VCF1: variants seen among roughly 807,000 people sequenced by gnomAD.
VCF1 encodes protein VCF1.
chr17:73,210,372 G>A, the VCF1 span, among the ~76,000 whole-genome samples: 2 of 151,946 alleles, frequency 1.3e-5, no homozygotes, highest in East Asian at 1.9e-4. Flanking sequence ...ATGTACATGT[G>A]TGTACATGAG....
chr17:73,224,995 G>GCACAGCACAGC, the VCF1 span, among the ~76,000 whole-genome samples: 2,282 of 58,498 alleles, frequency 0.039, 47 homozygotes, highest in Non-Finnish European at 0.057. Flanking sequence ...CACAGCACAG[G>GCACAGCACAGC]ACAGGACAGG....
At chr17:73,224,229 C>T in the VCF1 span, among the ~76,000 whole-genome samples, 2 of 132,058 alleles carry the variant, frequency 1.5e-5, no homozygotes, top group African/African-American at 5.6e-5. Context: ...GAGTTCACGA[C>T]CAGCCTGGGC....
At chr17:73,225,745 T>C in the VCF1 span, among the ~76,000 whole-genome samples, 34 of 151,810 alleles carry the variant, frequency 2.2e-4, no homozygotes, top group African/African-American at 7.0e-4. Flanking sequence ...TAGATATTCA[T>C]GGTAGCCTCT....
At chr17:73,227,800 CTAT>C in the VCF1 span, 1 of 285,292 alleles carries the variant, frequency 3.5e-6, no homozygotes, top group East Asian at 1.8e-4. Flanking sequence ...TAGATTGTTA[CTAT>C]GAGATGATAG....
the VCF1 span, among the ~76,000 whole-genome samples, chr17:73,216,265 G>T: frequency 6.6e-6 from 1 of 152,160 alleles, no homozygotes; most frequent in Non-Finnish European, 1.5e-5. Flanking sequence ...AAAGAACTCC[G>T]GAAGGAGAGG....
At chr17:73,232,133 C>G in the VCF1 span, 1 of 1,609,832 alleles carries the variant, frequency 6.2e-7, no homozygotes, top group Non-Finnish European at 8.5e-7. Flanking sequence ...GGAAGCTACG[C>G]GGCGCCGCTC....
the VCF1 span, chr17:73,207,654 T>A: frequency 2.2e-5 from 28 of 1,290,108 alleles, no homozygotes; most frequent in Non-Finnish European, 2.8e-5. Context: ...AGAAAATTTG[T>A]TTCCCCAAAA....
chr17:73,218,531 A>G, the VCF1 span, among the ~76,000 whole-genome samples: 1 of 152,236 alleles, frequency 6.6e-6, no homozygotes, highest in African/African-American at 2.4e-5. Context: ...CCAGCAGTAG[A>G]AAAAGATGTG....
chr17:73,229,867 C>CAAAAAAAAAA, the VCF1 span, among the ~76,000 whole-genome samples: 10 of 22,624 alleles, frequency 4.4e-4, 1 homozygote, highest in African/African-American at 1.5e-3. Context: ...GACTCCATCT[C>CAAAAAAAAAA]AAAAAAAAAA....
At chr17:73,224,900 G>GACAGCACAGC in the VCF1 span, among the ~76,000 whole-genome samples, 2 of 124,702 alleles carry the variant, frequency 1.6e-5, no homozygotes, top group African/African-American at 6.7e-5. Context: ...GACAGGACAG[G>GACAGCACAGC]ACAGGACAGG....
the VCF1 span, among the ~76,000 whole-genome samples, chr17:73,212,125 T>C: frequency 6.6e-6 from 1 of 152,244 alleles, no homozygotes. Context: ...ACTTCAACTT[T>C]TTTGCAATGT....
chr17:73,215,275 T>C, the VCF1 span, among the ~76,000 whole-genome samples: 4 of 152,232 alleles, frequency 2.6e-5, no homozygotes, highest in African/African-American at 9.6e-5. Flanking sequence ...ATTTTGGAAT[T>C]ACCTATGGGC....
chr17:73,221,966 A>G, the VCF1 span, among the ~76,000 whole-genome samples: 1 of 136,782 alleles, frequency 7.3e-6, no homozygotes, highest in Non-Finnish European at 1.5e-5. Context: ...CCCTCCCCAG[A>G]GGCGGAGGCT....
chr17:73,214,452 T>C, the VCF1 span, among the ~76,000 whole-genome samples: 10 of 152,188 alleles, frequency 6.6e-5, no homozygotes, highest in African/African-American at 1.7e-4. Context: ...GGTCAAAAAA[T>C]TTTTTGAAGT....
the VCF1 span, chr17:73,227,047 A>G: frequency 4.5e-5 from 34 of 755,770 alleles, no homozygotes; most frequent in Non-Finnish European, 6.0e-5. Context: ...AGGTTAAACC[A>G]GTATAATCAA....
At chr17:73,222,892 C>T in the VCF1 span, among the ~76,000 whole-genome samples, 6 of 152,180 alleles carry the variant, frequency 3.9e-5, no homozygotes, top group Non-Finnish European at 8.8e-5. Context: ...ACACCATGGT[C>T]AGGAGCGTGC....
the VCF1 span, among the ~76,000 whole-genome samples, chr17:73,225,008 AGCAT>A: frequency 2.2e-5 from 1 of 45,808 alleles, no homozygotes; most frequent in African/African-American, 7.8e-5. Flanking sequence ...AGGACAGGAC[AGCAT>A]AGGATAGGAC....
At chr17:73,216,987 A>G in the VCF1 span, among the ~76,000 whole-genome samples, 5 of 152,344 alleles carry the variant, frequency 3.3e-5, no homozygotes, top group Non-Finnish European at 7.3e-5. Flanking sequence ...ACTTCATAAA[A>G]AGAGAGCTAT....
At chr17:73,213,233 ACTGT>A in the VCF1 span, among the ~76,000 whole-genome samples, 1 of 150,128 alleles carries the variant, frequency 6.7e-6, no homozygotes, top group African/African-American at 2.5e-5. Flanking sequence ...ACAAAGCAAG[ACTGT>A]CTCAAAAGAA....
Sources: gnomAD v4.1 joint callset for allele counts (sites outside exome capture counted in the v4.1 genomes callset) on GRCh38, gnomAD v4.1.1 for gene constraint, MANE v1.5 for transcripts, NCBI Gene and HGNC (gene_info 2026-07-23, HGNC 2026-07-21) for gene names.